The following HMSD variants were observed in gnomAD, a reference collection of about 807,000 sequenced individuals.
The protein encoded by HMSD is histocompatibility minor serpin domain containing.
HMSD carries 13 observed loss-of-function variants against 10.0 expected under a neutral mutation model. The observed-to-expected ratio is 1.31, with a 90% CI of 0.85 to 2.08. The LOEUF (loss-of-function observed/expected upper bound fraction) is 2.08, where lower values mean the gene tolerates loss of function less well. HMSD is among the 30% of genes most tolerant of loss of function. HMSD has a pLI of 0.00. For missense variants in HMSD, 169 were observed against 166.3 expected, an observed-to-expected ratio of 1.02 and a Z score of -0.09; for synonymous variants, 51 against 54.2, an observed-to-expected ratio of 0.94 and a Z score of 0.26.
At chr18:63,956,245 TC>T (rs1186465219) in intron 3 of HMSD, among the ~76,000 whole-genome samples, 6 of 152,138 alleles carry the variant, frequency 3.9e-5, no homozygotes, top group African/African-American at 1.4e-4. Context: ...ACTGAAAAGT[TC>T]TGCAGGGCAA....
intron 3 of HMSD, 70 bp from the exon 4 acceptor site, chr18:63,960,088 C>A: frequency 2.2e-6 from 3 of 1,376,444 alleles, no homozygotes; most frequent in Non-Finnish European, 2.0e-6. Context: ...TGATGTGGCA[C>A]AATGAAGAAG....
chr18:63,963,118 TTTCTTTCTTTCTTTC>T (rs1568261393), downstream of HMSD, among the ~76,000 whole-genome samples: 86 of 136,846 alleles, frequency 6.3e-4, 1 homozygote, highest in African/African-American at 1.2e-3. Flanking sequence ...TCTTTCTTTC[TTTCTTTCTTTCTTTC>T]CTTTCTTTCT....
At chr18:63,957,698 A>G (rs72943558) in intron 3 of HMSD, among the ~76,000 whole-genome samples, 5,558 of 152,248 alleles carry the variant, frequency 0.037, 164 homozygotes, top group Non-Finnish European at 0.056. Context: ...TTTTCTATAT[A>G]AAGACAACCA....
At chr18:63,949,640 A>G (rs1184434606) in intron 1 of HMSD, among the ~76,000 whole-genome samples, 1 of 151,702 alleles carries the variant, frequency 6.6e-6, no homozygotes, top group African/African-American at 2.4e-5. Flanking sequence ...CGGGGAGGGG[A>G]GGCCAGGGCG....
At chr18:63,959,802 TA>T (rs978725407) in intron 3 of HMSD, among the ~76,000 whole-genome samples, 4 of 152,186 alleles carry the variant, frequency 2.6e-5, no homozygotes, top group African/African-American at 9.7e-5. Context: ...GTTGTTGCCT[TA>T]TGTGTCTTGA....
At chr18:63,962,894 G>A (rs1160323605), downstream of HMSD, among the ~76,000 whole-genome samples, 1 of 152,022 alleles carries the variant, frequency 6.6e-6, no homozygotes, top group Non-Finnish European at 1.5e-5. Context: ...GAGGTTTCCA[G>A]TCCTGAGGGC....
chr18:63,952,856 A>C (rs1411178596), intron 1 of HMSD, among the ~76,000 whole-genome samples: 2 of 152,254 alleles, frequency 1.3e-5, no homozygotes, highest in Non-Finnish European at 2.9e-5. Flanking sequence ...TTACATTCTG[A>C]AAATATTGGT....
chr18:63,961,429 C>G lies in HMSD; in HGVS notation c.*1074C>G, dbSNP rs2050386087. 1 of 152,180 alleles carries G rather than the reference C, an allele frequency of 6.6e-6. No homozygotes were observed. The highest frequency in any genetic ancestry group is 1.5e-5 in the Non-Finnish European group (1 of 68,030). 9.4% of individuals were successfully genotyped at this position (152,180 alleles called of 1,614,324 possible). A position where few individuals can be genotyped will look rare whatever the true frequency, so the allele number is the denominator to read the frequency against. On this transcript the variant is annotated 3_prime_UTR_variant, in exon 4 of 4. Coordinates refer to ENST00000408945, the MANE Select transcript of HMSD (RefSeq NM_001123366.2). ...TTATCATTCACTATTTTATTTCTGT[C>G]TTGTAAAGCCTGAAAGCTCATGTGC...
At chr18:63,952,223 G>A (rs1342160734) in intron 1 of HMSD, among the ~76,000 whole-genome samples, 2 of 151,432 alleles carry the variant, frequency 1.3e-5, no homozygotes, top group Admixed American at 6.6e-5. Context: ...GCACCAGCAT[G>A]GCACATGTAT....
chr18:63,963,094 TTTC>T (rs1395517492), downstream of HMSD, among the ~76,000 whole-genome samples: 1 of 128,176 alleles, frequency 7.8e-6, no homozygotes, highest in African/African-American at 3.7e-5. Flanking sequence ...TCTTTCTTTC[TTTC>T]TTTCTTTCTT....
intron 3 of HMSD, among the ~76,000 whole-genome samples, chr18:63,956,802 C>CA (rs2050360942): frequency 6.6e-6 from 1 of 152,040 alleles, no homozygotes; most frequent in South Asian, 2.1e-4. Context: ...TTCACAATGG[C>CA]AAAAACATGG....
rs1270313087 is a variant in HMSD, at chr18:63,953,434, C to G, written c.-22C>G. The G allele has an allele frequency of 6.2e-7, 1 of 1,606,962 alleles. No individual in the cohort carries two copies. The highest frequency in any genetic ancestry group is 1.3e-5 in the African/African-American group (1 of 74,888). ...TTGAAAAAGCTAGGGGAAAACAACT[C>G]AAACAACTTATTTTTTTCCCCATGA... On this transcript the variant is annotated 5_prime_UTR_variant, in exon 2 of 4. It introduces an in-frame stop codon into an upstream open reading frame of the 5' UTR. Transcript: ENST00000408945.
Position 63,960,172 on chromosome 18 carries a change from C to G in HMSD, c.237C>G (p.Ser79=), listed in dbSNP as rs376302490. The part of the protein sequence containing the change: ...SYDFLTGFTD[S]CGKFYQATIK... ...GTTTTTCCTAGGGTTTTACAGATTC[C>G]TGTGGCAAATTCTACCAAGCAACGA... Residue 79 remains serine (S), a synonymous_variant, in exon 4 of 4, where the codon TCC becomes TCG. Coordinates refer to ENST00000408945, the MANE Select transcript of HMSD (RefSeq NM_001123366.2). 2.5e-6 allele frequency: 4 copies of G among 1,611,388 alleles called. No individual in the cohort carries two copies. The African/African-American group carries it at 5.3e-5, about 22-fold the overall frequency.
intron 3 of HMSD, chr18:63,969,264 G>A (rs960983485): frequency 2.0e-5 from 3 of 152,248 alleles, no homozygotes; most frequent in African/African-American, 4.8e-5. Context: ...TTTTGGATAA[G>A]AGGATGTTAT....
intron 3 of HMSD, chr18:63,969,370 T>C (rs962747824): frequency 1.3e-5 from 2 of 152,114 alleles, no homozygotes; most frequent in Non-Finnish European, 2.9e-5. Flanking sequence ...GAACTGTAGG[T>C]AGGAAAATTA....
chr18:63,966,188 C>T (rs2050408853), downstream of HMSD, among the ~76,000 whole-genome samples: 1 of 152,052 alleles, frequency 6.6e-6, no homozygotes, highest in South Asian at 2.1e-4. Flanking sequence ...AAATCCACAC[C>T]CAAACCACAG....
intron 3 of HMSD, among the ~76,000 whole-genome samples, chr18:63,956,322 T>C (rs1487989138): frequency 6.6e-6 from 1 of 151,732 alleles, no homozygotes; most frequent in African/African-American, 2.4e-5. Context: ...AAACTATGCC[T>C]CTGATAGAGG....
At chr18:63,950,924 C>T (rs954622542) in intron 1 of HMSD, among the ~76,000 whole-genome samples, 8 of 151,868 alleles carry the variant, frequency 5.3e-5, no homozygotes, top group Non-Finnish European at 1.2e-4. Flanking sequence ...TTAATTTAAC[C>T]CCAGAAAAGT....
downstream of HMSD, among the ~76,000 whole-genome samples, chr18:63,964,863 G>T (rs923486847): frequency 6.6e-6 from 1 of 151,992 alleles, no homozygotes; most frequent in Admixed American, 6.6e-5. Flanking sequence ...ATTTTGTGAG[G>T]ACATAATACA....
Sources: gnomAD v4.1 joint callset for allele counts (sites outside exome capture counted in the v4.1 genomes callset) on GRCh38, gnomAD v4.1.1 for gene constraint, MANE v1.5 for transcripts, NCBI Gene and HGNC (gene_info 2026-07-23, HGNC 2026-07-21) for gene names.